Variants in ZNF385D observed in about 807,000 individuals in gnomAD.
ZNF385D encodes zinc finger protein 385D.
In ZNF385D, 15 loss-of-function variants were observed where a neutral mutation model predicts 35.8. The ratio of observed to expected loss-of-function variants is 0.42; its 90% CI spans 0.28 to 0.64. The LOEUF is 0.64. Ranked by LOEUF, ZNF385D falls within the 30% of genes least tolerant of loss-of-function variation. The probability of loss-of-function intolerance (pLI) is 0.23; values close to 1 mark genes in which losing one functional copy is unlikely to be tolerated. For missense variants in ZNF385D, 474 were observed against 494.6 expected (o/e 0.96, Z 0.39); for synonymous variants, 212 against 186.8 (o/e 1.13, Z -1.10).
chr3:21,554,138 G>A lies in ZNF385D; in HGVS notation c.276+10436C>T, dbSNP rs576939154. On this transcript the variant is annotated intron_variant, in intron 3 of 7. Coordinates refer to ENST00000281523, the MANE Select transcript of ZNF385D (RefSeq NM_024697.3). ...TTTACTTGGGCAACATCCATCAGAG[G>A]AATCACTATCTATGGTAGCTATAGC... Among the ~76,000 whole-genome samples, 18 of 152,216 alleles carry A rather than the reference G, an allele frequency of 1.2e-4. 1 individual carries two copies. In the South Asian group the frequency reaches 3.7e-3, roughly 32 times the overall value.
At chr3:22,339,722 T>C (rs1302929428) in intron 2 of ZNF385D, among the ~76,000 whole-genome samples, 3 of 152,212 alleles carry the variant, frequency 2.0e-5, no homozygotes, top group Non-Finnish European at 2.9e-5. Context: ...TGCTCACTCC[T>C]TAGAAATCAG....
intron 3 of ZNF385D, among the ~76,000 whole-genome samples, chr3:22,072,175 A>C (rs1700260919): frequency 6.6e-6 from 1 of 152,076 alleles, no homozygotes; most frequent in Non-Finnish European, 1.5e-5. Flanking sequence ...GTTTTATAGA[A>C]AGTGACTAAA....
intron 3 of ZNF385D, among the ~76,000 whole-genome samples, chr3:22,034,935 A>G (rs2125490162): frequency 6.6e-6 from 1 of 152,314 alleles, no homozygotes; most frequent in South Asian, 2.1e-4. Flanking sequence ...GTATTTCATG[A>G]TTTACATGTC....
At chr3:21,979,395 G>A (rs1382204347) in intron 3 of ZNF385D, among the ~76,000 whole-genome samples, 1 of 152,112 alleles carries the variant, frequency 6.6e-6, no homozygotes, top group Non-Finnish European at 1.5e-5. Flanking sequence ...GAAAAACTGA[G>A]GTGTGAGATT....
chr3:22,292,186 A>G (rs149532327), intron 2 of ZNF385D, among the ~76,000 whole-genome samples: 1 of 152,222 alleles, frequency 6.6e-6, no homozygotes, highest in East Asian at 1.9e-4. Context: ...TTCGTGGGTT[A>G]TCATAAACTT....
chr3:21,501,331 G>A (rs1174014619), intron 4 of ZNF385D, among the ~76,000 whole-genome samples: 3 of 152,168 alleles, frequency 2.0e-5, no homozygotes, highest in African/African-American at 4.8e-5. Context: ...AAACTAGCAT[G>A]AGGACCAAGA....
intron 2 of ZNF385D, among the ~76,000 whole-genome samples, chr3:22,189,390 C>T (rs1189710904): frequency 3.3e-5 from 5 of 152,130 alleles, no homozygotes; most frequent in Admixed American, 2.0e-4. Context: ...CAGAGCCTAA[C>T]ACAAATATAT....
chr3:22,050,383 CA>C (rs944699502), intron 3 of ZNF385D, among the ~76,000 whole-genome samples: 17 of 151,592 alleles, frequency 1.1e-4, no homozygotes, highest in Non-Finnish European at 2.1e-4. Context: ...AACAAACAAA[CA>C]AAAAAACCAC....
chr3:22,352,274 C>T (rs1041062947), intron 2 of ZNF385D, among the ~76,000 whole-genome samples: 2 of 152,188 alleles, frequency 1.3e-5, no homozygotes, highest in Non-Finnish European at 2.9e-5. Flanking sequence ...TCCTCCCATT[C>T]CTCATCTAAT....
At chr3:21,972,301 A>G (rs1703307033) in intron 3 of ZNF385D, among the ~76,000 whole-genome samples, 1 of 152,018 alleles carries the variant, frequency 6.6e-6, no homozygotes, top group Non-Finnish European at 1.5e-5. Flanking sequence ...GTAAACAAAT[A>G]CATGGAAATT....
At chr3:21,593,707 TA>T (rs1372399089) in intron 2 of ZNF385D, among the ~76,000 whole-genome samples, 2 of 151,918 alleles carry the variant, frequency 1.3e-5, no homozygotes, top group Non-Finnish European at 2.9e-5. Flanking sequence ...ATATATATTA[TA>T]GACTTTTTTT....
At chr3:22,340,631 G>A (rs1271026588) in intron 2 of ZNF385D, among the ~76,000 whole-genome samples, 1 of 152,172 alleles carries the variant, frequency 6.6e-6, no homozygotes, top group Non-Finnish European at 1.5e-5. Context: ...CGGTGACAGA[G>A]TGAGACTCTG....
intron 1 of ZNF385D, among the ~76,000 whole-genome samples, chr3:21,674,931 GATGC>G (rs1160651694): frequency 3.9e-5 from 5 of 127,428 alleles, no homozygotes; most frequent in African/African-American, 1.1e-4. Context: ...TGGATGGATG[GATGC>G]ATGGATGGAT....
At chr3:22,224,093 G>A (rs1698415010) in intron 2 of ZNF385D, among the ~76,000 whole-genome samples, 1 of 152,042 alleles carries the variant, frequency 6.6e-6, no homozygotes, top group South Asian at 2.1e-4. Flanking sequence ...ATATTTTGAG[G>A]CAGTCAAAGA....
intron 3 of ZNF385D, among the ~76,000 whole-genome samples, chr3:21,809,362 T>C (rs1409962664): frequency 1.4e-5 from 2 of 146,738 alleles, no homozygotes; most frequent in Non-Finnish European, 3.0e-5. Context: ...GTTTTTAAAA[T>C]TATGTTTGAT....
rs1487538588 is a variant in ZNF385D at position 22,189,424 on chromosome 3, C to G, written c.107-20389G>C. On this transcript the variant is annotated intron_variant, in intron 2 of 5. Transcript: ENST00000494108. ...ATACATTGCTAGCCTCAGTCTATAC[C>G]TTGAGATCTTATATAAAATATTAAT... Among the ~76,000 whole-genome samples the G allele has an allele frequency of 2.6e-5, 4 of 152,110 alleles. No individual in the cohort carries two copies. The South Asian group carries it at 8.3e-4, about 32-fold the overall frequency.
At chr3:22,170,235 G>T (rs755193086) in intron 2 of ZNF385D, among the ~76,000 whole-genome samples, 1 of 152,262 alleles carries the variant, frequency 6.6e-6, no homozygotes, top group Middle Eastern at 3.4e-3. Context: ...CGTCCTCCTA[G>T]GTTCTGGAGT....
At chr3:22,159,193 C>T (rs1705787851) in intron 3 of ZNF385D, among the ~76,000 whole-genome samples, 1 of 152,058 alleles carries the variant, frequency 6.6e-6, no homozygotes, top group East Asian at 1.9e-4. Context: ...CCAATACCTT[C>T]AAGTTCTTCA....
intron 2 of ZNF385D, among the ~76,000 whole-genome samples, chr3:21,584,222 G>T (rs201588261): frequency 6.6e-6 from 1 of 151,900 alleles, no homozygotes; most frequent in East Asian, 1.9e-4. Flanking sequence ...CAAGTGATCC[G>T]CCCACCTTGG....
Sources: allele counts gnomAD v4.1 joint callset (sites outside exome capture counted in the v4.1 genomes callset), GRCh38; gene constraint gnomAD v4.1.1; transcripts MANE v1.5; gene names NCBI Gene and HGNC (gene_info 2026-07-23, HGNC 2026-07-21).